SLC71A2: variants seen among roughly 807,000 people sequenced by gnomAD.
The protein encoded by SLC71A2 is solute carrier family 71 member 2, also known as hippocampus abundant transcript-like 1.
At chr9:94,420,157 C>T in the SLC71A2 span, among the ~76,000 whole-genome samples, 9 of 152,216 alleles carry the variant, frequency 5.9e-5, no homozygotes, top group African/African-American at 1.7e-4. Context: ...GTGTGTGTAT[C>T]GTCTAGAGTC....
chr9:94,390,010 C>G, the SLC71A2 span, among the ~76,000 whole-genome samples: 25 of 152,118 alleles, frequency 1.6e-4, no homozygotes, highest in Non-Finnish European at 2.5e-4. Flanking sequence ...GTCAAGAGAT[C>G]AAGACCATCC....
the SLC71A2 span, among the ~76,000 whole-genome samples, chr9:94,392,934 C>G: frequency 6.6e-6 from 1 of 151,790 alleles, no homozygotes; most frequent in Admixed American, 6.6e-5. Context: ...TGCTACCACC[C>G]CCTTCTAAAA....
chr9:94,457,176 G>A, the SLC71A2 span, among the ~76,000 whole-genome samples: 43 of 152,036 alleles, frequency 2.8e-4, no homozygotes, highest in African/African-American at 9.7e-4. Context: ...ATGTTGCCCA[G>A]CCTGGTCTCG....
At chr9:94,414,858 C>T in the SLC71A2 span, among the ~76,000 whole-genome samples, 1 of 152,018 alleles carries the variant, frequency 6.6e-6, no homozygotes, top group Admixed American at 6.6e-5. Flanking sequence ...TGGGGTTTCA[C>T]TATGTTAACC....
At chr9:94,441,888 A>AG in the SLC71A2 span, among the ~76,000 whole-genome samples, 1 of 152,252 alleles carries the variant, frequency 6.6e-6, no homozygotes, top group African/African-American at 2.4e-5. Context: ...ATTATGTAGA[A>AG]GAAAGACTTG....
chr9:94,414,927 A>C, the SLC71A2 span, among the ~76,000 whole-genome samples: 1 of 152,120 alleles, frequency 6.6e-6, no homozygotes, highest in Non-Finnish European at 1.5e-5. Flanking sequence ...CAAAGTGCTG[A>C]GATTACAAGC....
At chr9:94,406,066 A>ATTT in the SLC71A2 span, among the ~76,000 whole-genome samples, 10,822 of 62,722 alleles carry the variant, frequency 0.17, 2,141 homozygotes, top group Middle Eastern at 0.28. Flanking sequence ...TGCAACTTGA[A>ATTT]TTTTTTTTTT....
At chr9:94,375,442 C>T in the SLC71A2 span, among the ~76,000 whole-genome samples, 1 of 151,566 alleles carries the variant, frequency 6.6e-6, no homozygotes, top group Admixed American at 6.6e-5. Context: ...TGGCCTCTTT[C>T]TCCAGTTTTA....
the SLC71A2 span, among the ~76,000 whole-genome samples, chr9:94,439,196 G>T: frequency 1.3e-4 from 20 of 152,018 alleles, no homozygotes; most frequent in South Asian, 3.5e-3. Context: ...TTTTAGTAGG[G>T]ATGGGGTCTC....
At chr9:94,458,008 T>G in the SLC71A2 span, among the ~76,000 whole-genome samples, 4 of 152,164 alleles carry the variant, frequency 2.6e-5, no homozygotes, top group African/African-American at 4.8e-5. Flanking sequence ...GTTTTTGTTG[T>G]GAAAGCACCA....
the SLC71A2 span, among the ~76,000 whole-genome samples, chr9:94,399,775 A>G: frequency 2.0e-5 from 3 of 151,114 alleles, no homozygotes; most frequent in South Asian, 2.1e-4. Flanking sequence ...CAGAAAGCCA[A>G]TCACTGAGGT....
At chr9:94,441,419 C>T in the SLC71A2 span, among the ~76,000 whole-genome samples, 284 of 152,236 alleles carry the variant, frequency 1.9e-3, no homozygotes, top group African/African-American at 6.5e-3. Flanking sequence ...CACTTTTAAA[C>T]GGCCAGATCT....
chr9:94,442,628 G>A, the SLC71A2 span, among the ~76,000 whole-genome samples: 2 of 152,040 alleles, frequency 1.3e-5, no homozygotes, highest in Non-Finnish European at 2.9e-5. Flanking sequence ...AGGTGGGGGC[G>A]GATCATGAGG....
the SLC71A2 span, among the ~76,000 whole-genome samples, chr9:94,379,600 A>T: frequency 6.6e-6 from 1 of 151,546 alleles, no homozygotes; most frequent in Non-Finnish European, 1.5e-5. Flanking sequence ...TGTGTTGTCC[A>T]GGCTTGTCTT....
chr9:94,396,415 T>C, the SLC71A2 span, among the ~76,000 whole-genome samples: 1 of 152,198 alleles, frequency 6.6e-6, no homozygotes, highest in Non-Finnish European at 1.5e-5. Flanking sequence ...CTGGGAAGGC[T>C]GAGGCATGAA....
the SLC71A2 span, among the ~76,000 whole-genome samples, chr9:94,395,960 A>G: frequency 5.3e-5 from 8 of 151,468 alleles, no homozygotes; most frequent in African/African-American, 4.9e-5. Flanking sequence ...TTCTGCCACA[A>G]CAAATGTCTG....
At chr9:94,429,245 T>C in the SLC71A2 span, 7 of 1,598,412 alleles carry the variant, frequency 4.4e-6, no homozygotes, top group Non-Finnish European at 6.0e-6. Context: ...TCATTCAAGG[T>C]GTAAAGGTAA....
the SLC71A2 span, among the ~76,000 whole-genome samples, chr9:94,443,172 C>T: frequency 1.3e-5 from 2 of 152,234 alleles, no homozygotes; most frequent in East Asian, 3.9e-4. Context: ...CCCTCTCCAG[C>T]TCAGCTCCTC....
At chr9:94,457,508 T>C in the SLC71A2 span, among the ~76,000 whole-genome samples, 1 of 152,252 alleles carries the variant, frequency 6.6e-6, no homozygotes, top group Admixed American at 6.5e-5. Context: ...TTGTTAAATA[T>C]TGTCCCTTGA....
Sources: allele counts gnomAD v4.1 joint callset (sites outside exome capture counted in the v4.1 genomes callset), GRCh38; gene constraint gnomAD v4.1.1; transcripts MANE v1.5; gene names NCBI Gene and HGNC (gene_info 2026-07-23, HGNC 2026-07-21).